BCL2: variants seen among roughly 807,000 people sequenced by gnomAD.
BCL2 encodes the protein apoptosis regulator Bcl-2.
A neutral mutation model predicts 14.2 loss-of-function variants in BCL2; 1 was observed. That is an observed-to-expected ratio of 0.07 (90% CI 0.02 to 0.33). BCL2 has a LOEUF of 0.33. BCL2 is among the 10% of genes least tolerant of loss of function. The pLI, the probability that BCL2 is intolerant of heterozygous loss-of-function variation, is 0.99. For missense variants in BCL2, 247 were observed against 305.9 expected, an observed-to-expected ratio of 0.81 and a Z score of 1.44; for synonymous variants, 151 against 137.2, an observed-to-expected ratio of 1.10 and a Z score of -0.70.
chr18:63,276,434 A>C (rs1912155785), intron 2 of BCL2, among the ~76,000 whole-genome samples: 1 of 152,196 alleles, frequency 6.6e-6, no homozygotes, highest in Non-Finnish European at 1.5e-5. Context: ...GTGGGGCCAG[A>C]CAGGCTGGAC....
chr18:63,296,556 G>A (rs557617509), intron 2 of BCL2, among the ~76,000 whole-genome samples: 5 of 152,164 alleles, frequency 3.3e-5, no homozygotes, highest in African/African-American at 4.8e-5. Context: ...CTCCAGCCTC[G>A]GTCTCCCACA....
chr18:63,315,842 T>C (rs1425863771), intron 2 of BCL2: 1 of 152,220 alleles, frequency 6.6e-6, no homozygotes, highest in African/African-American at 2.4e-5. Flanking sequence ...AAGTGTCCTA[T>C]GAGTGCATTT....
intron 2 of BCL2, among the ~76,000 whole-genome samples, chr18:63,143,757 C>T (rs749510327): frequency 1.3e-5 from 2 of 152,246 alleles, no homozygotes; most frequent in Non-Finnish European, 2.9e-5. Context: ...CATGCCTATG[C>T]ATGTGTAGCA....
At chr18:63,271,803 C>A (rs1455901485) in intron 2 of BCL2, among the ~76,000 whole-genome samples, 4 of 152,154 alleles carry the variant, frequency 2.6e-5, no homozygotes, top group Non-Finnish European at 5.9e-5. Flanking sequence ...CAAGAGCTGA[C>A]CTGGAGGTTT....
At chr18:63,168,698 T>C (rs963409699) in intron 2 of BCL2, among the ~76,000 whole-genome samples, 1 of 152,208 alleles carries the variant, frequency 6.6e-6, no homozygotes, top group African/African-American at 2.4e-5. Flanking sequence ...TGTGGACTGC[T>C]CCGTTTATTG....
chr18:63,166,392 G>A (rs562449628), intron 2 of BCL2, among the ~76,000 whole-genome samples: 7 of 152,294 alleles, frequency 4.6e-5, no homozygotes, highest in Admixed American at 2.0e-4. Flanking sequence ...GGCGTCCCTG[G>A]ACCCTGGACA....
chr18:63,142,819 T>C (rs959800522), intron 2 of BCL2, among the ~76,000 whole-genome samples: 1 of 152,226 alleles, frequency 6.6e-6, no homozygotes, highest in African/African-American at 2.4e-5. Flanking sequence ...TAGTTTATGA[T>C]TTAGTTCAGT....
At chr18:63,140,709 T>C (rs1914332916) in intron 2 of BCL2, among the ~76,000 whole-genome samples, 1 of 152,204 alleles carries the variant, frequency 6.6e-6, no homozygotes, top group Admixed American at 6.5e-5. Flanking sequence ...GATGGAAAAG[T>C]TCTGGAATTA....
At chr18:63,257,885 T>C (rs1398340037) in intron 2 of BCL2, among the ~76,000 whole-genome samples, 4 of 81,956 alleles carry the variant, frequency 4.9e-5, no homozygotes, top group South Asian at 5.5e-4. Flanking sequence ...AGAAACCCCA[T>C]TGACTATAAA....
rs550648829 is a variant in BCL2, at chr18:63,284,071, C to A, written c.585+34011G>T. ...CACAGGGTACCAGTGTGTCCCTGAGCGCGCTGACGAATGGATATGGTGCTG... is the reference window on the plus strand; with the variant it reads ...CACAGGGTACCAGTGTGTCCCTGAGAGCGCTGACGAATGGATATGGTGCTG... On this transcript the variant is annotated intron_variant, in intron 2 of 2. Transcript: ENST00000333681. Among the ~76,000 whole-genome samples, 5 of 152,274 alleles carry A rather than the reference C, an allele frequency of 3.3e-5. No homozygotes were observed. The South Asian group carries it at 1.0e-3, about 32-fold the overall frequency.
intron 2 of BCL2, among the ~76,000 whole-genome samples, chr18:63,233,647 C>G (rs546578228): frequency 6.6e-6 from 1 of 152,322 alleles, no homozygotes; most frequent in Admixed American, 6.5e-5. Context: ...GGTGGTCATG[C>G]TGGCTCTCCT....
chr18:63,244,452 A>T lies in BCL2; in HGVS notation c.585+73630T>A, dbSNP rs138875437. On this transcript the variant is annotated intron_variant, in intron 2 of 2. Coordinates refer to ENST00000333681, the MANE Select transcript of BCL2 (RefSeq NM_000633.3). The stretch of plus-strand genomic sequence containing the variant: ...CGGGTGCCTGTAATTCCTGCTACTC[A>T]GGAGGCTGAGGCAGGAGAATCACTT... Among the ~76,000 whole-genome samples, 1,004 of 147,718 alleles carry T rather than the reference A, an allele frequency of 6.8e-3. 10 individuals are homozygous for T. Among genetic ancestry groups the T allele is most frequent in the African/African-American group, 0.024 (956 of 39,734 alleles).
At chr18:63,222,176 A>T (rs1216308896) in intron 2 of BCL2, among the ~76,000 whole-genome samples, 1 of 151,452 alleles carries the variant, frequency 6.6e-6, no homozygotes, top group African/African-American at 2.4e-5. Context: ...AGGGAGACTG[A>T]GGCAGGAGTA....
chr18:63,268,507 C>T (rs1383793362), intron 2 of BCL2, among the ~76,000 whole-genome samples: 1 of 152,192 alleles, frequency 6.6e-6, no homozygotes, highest in Non-Finnish European at 1.5e-5. Flanking sequence ...CTTGCCCCAG[C>T]TTCAGTTTTT....
At position 63,318,888 on chromosome 18, in the gene BCL2, T is replaced by A; in HGVS notation, c.-222A>T. 7.1e-7 allele frequency: 1 copy of A among 1,413,158 alleles called. No individual in the cohort carries two copies. The highest frequency in any genetic ancestry group is 9.3e-7 in the Non-Finnish European group (1 of 1,080,828). 87.5% of individuals were successfully genotyped at this position (1,413,158 alleles called of 1,614,324 possible). On this transcript the variant is annotated 5_prime_UTR_variant, in exon 2 of 3. It adds an upstream start codon to the 5' untranslated region. Transcript: ENST00000333681. The surrounding 1 kb of genome is among the most constrained non-coding windows in gnomAD (Gnocchi z 7.4). ...TTTTTATTCCAATTCCTTTCGGATC[T>A]TTATTTCATGAGGCACGTTATTATT...
intron 2 of BCL2, among the ~76,000 whole-genome samples, chr18:63,180,935 G>A (rs1045406936): frequency 1.3e-5 from 2 of 152,198 alleles, no homozygotes; most frequent in Admixed American, 6.5e-5. Flanking sequence ...CAGTGGAAAC[G>A]TGTCAGTGTA....
intron 2 of BCL2, among the ~76,000 whole-genome samples, chr18:63,268,626 G>A (rs1462991701): frequency 6.6e-6 from 1 of 152,204 alleles, no homozygotes; most frequent in Non-Finnish European, 1.5e-5. Flanking sequence ...TTTCACGACA[G>A]TGTGGAATAC....
chr18:63,242,819 C>T (rs892533440), intron 2 of BCL2, among the ~76,000 whole-genome samples: 8 of 152,106 alleles, frequency 5.3e-5, no homozygotes, highest in Non-Finnish European at 1.2e-4. Flanking sequence ...AATCTTACTG[C>T]AATCTGGGTT....
rs1913838807 is a variant in BCL2 at position 63,123,819 on chromosome 18, T to C, written c.*4806A>G. 1 of 217,562 alleles carries C rather than the reference T, an allele frequency of 4.6e-6. No homozygotes were observed. Among genetic ancestry groups the C allele is most frequent in the South Asian group, 1.9e-4 (1 of 5,392 alleles). 13.5% of individuals were successfully genotyped at this position (217,562 alleles called of 1,614,324 possible). ...CCTTGGAGGGAAAAACTTAATGAAATGAGCTATCTGGAGGGCCCACGGCAG... is the reference window on the plus strand; with the variant it reads ...CCTTGGAGGGAAAAACTTAATGAAACGAGCTATCTGGAGGGCCCACGGCAG... On this transcript the variant is annotated 3_prime_UTR_variant, in exon 3 of 3. Coordinates refer to ENST00000333681, the MANE Select transcript of BCL2 (RefSeq NM_000633.3).
Sources: gnomAD v4.1 joint callset for allele counts (sites outside exome capture counted in the v4.1 genomes callset) on GRCh38, gnomAD v4.1.1 for gene constraint, Gnocchi (gnomAD v3.1) non-coding constraint, MANE v1.5 for transcripts, NCBI Gene and HGNC (gene_info 2026-07-23, HGNC 2026-07-21) for gene names.